The following TPCN1 variants were observed in gnomAD, a reference collection of about 807,000 sequenced individuals.
TPCN1 encodes two pore channel protein 1.
A neutral mutation model predicts 108.8 loss-of-function variants in TPCN1; 52 were observed. The observed-to-expected ratio is 0.48, with a 90% confidence interval of 0.38 to 0.60. TPCN1 has a LOEUF of 0.60. Among genes scored for constraint, TPCN1 ranks in the 20% least tolerant of loss-of-function variants. The pLI is 0.00. For missense variants in TPCN1, 806 were observed against 1,072.8 expected, an observed-to-expected ratio of 0.75 and a Z score of 3.47; for synonymous variants, 446 against 433.7, an observed-to-expected ratio of 1.03 and a Z score of -0.35.
Position 113,269,869 on chromosome 12 carries a change from A to T in TPCN1, c.748+24A>T, listed in dbSNP as rs1371186550. 12 of 1,611,852 alleles carry T rather than the reference A, an allele frequency of 7.4e-6. No individual in the cohort carries two copies. The highest frequency in any genetic ancestry group is 1.0e-5 in the Non-Finnish European group (12 of 1,178,416). ...CGGTGAGTTCCCGCCTCTCAGGCCCAGGTGCGCTGGAAAAGCAAGTTCACG... is the reference window on the plus strand; with the variant it reads ...CGGTGAGTTCCCGCCTCTCAGGCCCTGGTGCGCTGGAAAAGCAAGTTCACG... On this transcript the variant is annotated intron_variant, in intron 7 of 27. Coordinates refer to ENST00000335509, the MANE Select transcript of TPCN1 (RefSeq NM_017901.6). The surrounding 1 kb of genome is among the most constrained non-coding windows in gnomAD (Gnocchi z 5.0).
At chr12:113,271,722 T>A (rs1453441900) in intron 7 of TPCN1, among the ~76,000 whole-genome samples, 1 of 152,230 alleles carries the variant, frequency 6.6e-6, no homozygotes, top group Non-Finnish European at 1.5e-5. Context: ...TGAACACTCC[T>A]GTGTGTTTCC....
intron 23 of TPCN1, 66 bp downstream of exon 23, chr12:113,291,064 C>T: frequency 1.4e-6 from 2 of 1,434,594 alleles, no homozygotes; most frequent in South Asian, 1.1e-5. Context: ...GGGTCTCCCC[C>T]AACCCAGAGT....
At chr12:113,242,524 T>C (rs1026582856) in intron 2 of TPCN1, among the ~76,000 whole-genome samples, 1 of 152,234 alleles carries the variant, frequency 6.6e-6, no homozygotes, top group Non-Finnish European at 1.5e-5. Flanking sequence ...AGGGCCTTTG[T>C]ACACTTAGAA....
chr12:113,233,068 A>G (rs1183172404), intron 2 of TPCN1, among the ~76,000 whole-genome samples: 1 of 152,104 alleles, frequency 6.6e-6, no homozygotes, highest in Non-Finnish European at 1.5e-5. Flanking sequence ...AAAATGAGTA[A>G]GCATCCAGCA....
chr12:113,266,352 T>C lies in TPCN1; in HGVS notation c.410T>C (p.Ile137Thr), dbSNP rs757957274. The C allele has an allele frequency of 6.2e-7, 1 of 1,606,416 alleles. No homozygotes were observed. The highest frequency in any genetic ancestry group is 8.5e-7 in the Non-Finnish European group (1 of 1,179,950). The part of the protein sequence containing the change: ...APAVPALRLG[I>T]YVHATLELFA... ...GCCGTCCCCGCACTCCGGCTTGGCA[T>C]CTATGTGAGCGCACATGCTCCTCAT... Residue 137 changes from isoleucine to threonine, a missense_variant, in exon 4 of 28, where the codon ATC (isoleucine) becomes ACC (threonine). Transcript: ENST00000335509. The surrounding 1 kb of genome is among the most constrained non-coding windows in gnomAD (Gnocchi z 4.2).
At chr12:113,225,670 T>C (rs1347946309) in intron 1 of TPCN1, among the ~76,000 whole-genome samples, 1 of 152,170 alleles carries the variant, frequency 6.6e-6, no homozygotes, top group Non-Finnish European at 1.5e-5. Context: ...TTCTCCTGCC[T>C]CAGCTTCTTG....
intron 2 of TPCN1, chr12:113,249,470 C>T (rs919468662): frequency 2.6e-5 from 4 of 152,240 alleles, no homozygotes; most frequent in Non-Finnish European, 5.9e-5. Context: ...TGGCCCTATA[C>T]CATGGGGACA....
chr12:113,291,656 G>T lies in TPCN1; in HGVS notation c.2007G>T (p.Met669Ile), dbSNP rs1343188999. The part of the protein sequence containing the change: ...QTSHWSRLYF[M>I]TFYIVTMVVM... ...CCCACTGGAGCCGCCTCTACTTCAT[G>T]ACCTTTTACATTGTGACCATGGTAG... Residue 669 changes from methionine to isoleucine, a missense_variant, in exon 24 of 28, where the codon ATG becomes ATT. Met to Ile is a conservative substitution (Grantham distance 10, BLOSUM62 1). Transcript: ENST00000335509. 4 of 1,613,782 alleles carry T rather than the reference G, an allele frequency of 2.5e-6. No individual in the cohort carries two copies. The highest frequency in any genetic ancestry group is 3.4e-6 in the Non-Finnish European group (4 of 1,179,928).
At chr12:113,276,880 C>A in intron 10 of TPCN1, 39 bp from the exon 11 acceptor site, 1 of 1,453,186 alleles carries the variant, frequency 6.9e-7, no homozygotes, top group South Asian at 1.1e-5. Context: ...CCTAACCACT[C>A]AAGGTCCTGA....
In TPCN1 at chr12:113,278,878, G is replaced by A. The variant is rs376842946; in HGVS notation, c.1297+43G>A. The A allele has an allele frequency of 1.7e-4, 271 of 1,582,604 alleles. 1 individual carries two copies. Among genetic ancestry groups the A allele is most frequent in the Non-Finnish European group, 2.2e-4 (256 of 1,151,730 alleles). ...TGGCAGGTGTTGGCAGCTGGGGGCC[G>A]ATGGAGGTTTTCAGAGACCACAGAT... On this transcript the variant is annotated intron_variant, in intron 14 of 27. Transcript: ENST00000335509.
rs888309511 is a variant in TPCN1, at chr12:113,231,863, C to T, written c.112+4899C>T. On this transcript the variant is annotated intron_variant, in intron 2 of 27. Coordinates refer to ENST00000335509, the MANE Select transcript of TPCN1 (RefSeq NM_017901.6). The surrounding 1 kb of genome is among the most constrained non-coding windows in gnomAD (Gnocchi z 4.3). The stretch of plus-strand genomic sequence containing the variant: ...ATAACCTTGAAAACAGTCAGCGGGG[C>T]CACTGTTAGAGCAGTGTAGAGACAG... Among the ~76,000 whole-genome samples the T allele has an allele frequency of 6.6e-6, 1 of 152,168 alleles. No individual in the cohort carries two copies. Among genetic ancestry groups the T allele is most frequent in the Non-Finnish European group, 1.5e-5 (1 of 68,040 alleles).
At chr12:113,282,417 A>T (rs921773150) in intron 15 of TPCN1, among the ~76,000 whole-genome samples, 8 of 151,560 alleles carry the variant, frequency 5.3e-5, no homozygotes, top group Non-Finnish European at 1.0e-4. Flanking sequence ...TCTTTATGCC[A>T]TGTTATTTTT....
intron 2 of TPCN1, among the ~76,000 whole-genome samples, chr12:113,246,642 G>A (rs1954397736): frequency 6.6e-6 from 1 of 152,212 alleles, no homozygotes; most frequent in South Asian, 2.1e-4. Flanking sequence ...CGGCCTTCTG[G>A]AGGAGGCAGT....
At chr12:113,295,298 T>G (rs1396410581) in intron 27 of TPCN1, among the ~76,000 whole-genome samples, 1 of 151,644 alleles carries the variant, frequency 6.6e-6, no homozygotes, top group Non-Finnish European at 1.5e-5. Flanking sequence ...AAAAGTAGGG[T>G]AGGGTATGGT....
chr12:113,255,125 G>A (rs984175396), intron 2 of TPCN1, among the ~76,000 whole-genome samples: 1 of 152,306 alleles, frequency 6.6e-6, no homozygotes, highest in East Asian at 1.9e-4. Context: ...CAGACAACAT[G>A]ATCTTCTGTA....
At position 113,288,753 on chromosome 12, in the gene TPCN1, C is replaced by T; in HGVS notation, c.1707-5C>T. The stretch of plus-strand genomic sequence containing the variant: ...CCGCGTCACCCTGCCCCTGTCGCCC[C>T]ACAGCCTGGGCCTCACCCTGCTCAT... On this transcript the variant is annotated splice_polypyrimidine_tract_variant and splice_region_variant and intron_variant, in intron 20 of 27. Transcript: ENST00000335509. The surrounding 1 kb of genome is among the most constrained non-coding windows in gnomAD (Gnocchi z 4.8). 6.2e-7 allele frequency: 1 copy of T among 1,612,092 alleles called. No individual in the cohort carries two copies. Among genetic ancestry groups the T allele is most frequent in the Non-Finnish European group, 8.5e-7 (1 of 1,179,988 alleles).
intron 1 of TPCN1, among the ~76,000 whole-genome samples, chr12:113,225,504 A>C (rs1953437214): frequency 6.6e-6 from 1 of 151,912 alleles, no homozygotes; most frequent in Non-Finnish European, 1.5e-5. Context: ...CTCCCTCCGT[A>C]TTTTAATGCT....
intron 10 of TPCN1, among the ~76,000 whole-genome samples, chr12:113,276,400 C>T (rs2136668710): frequency 6.6e-6 from 1 of 152,348 alleles, no homozygotes; most frequent in African/African-American, 2.4e-5. Context: ...GAGCCTCTCA[C>T]TCCCCTTTTT....
chr12:113,224,145 T>C (rs976107381), intron 1 of TPCN1, among the ~76,000 whole-genome samples: 1 of 152,186 alleles, frequency 6.6e-6, no homozygotes, highest in African/African-American at 2.4e-5. Context: ...TGAGGAATTA[T>C]AGTGTAATGG....
Sources: gnomAD v4.1 joint callset for allele counts (sites outside exome capture counted in the v4.1 genomes callset) on GRCh38, gnomAD v4.1.1 for gene constraint, Gnocchi (gnomAD v3.1) non-coding constraint, MANE v1.5 for transcripts, NCBI Gene and HGNC (gene_info 2026-07-23, HGNC 2026-07-21) for gene names.